Variants in SMG6 observed in about 807,000 individuals in gnomAD.
SMG6 encodes the protein telomerase-binding protein EST1A.
A neutral mutation model predicts 142.2 loss-of-function variants in SMG6; 66 were observed. The ratio of observed to expected loss-of-function variants is 0.46; its 90% CI spans 0.38 to 0.57. The LOEUF (loss-of-function observed/expected upper bound fraction) is 0.57, where lower values mean the gene tolerates loss of function less well. Among genes scored for constraint, SMG6 ranks in the 20% least tolerant of loss-of-function variants. SMG6 has a pLI of 0.00. For synonymous variants in SMG6, 779 were observed against 702.4 expected (o/e 1.11, Z -1.72); for missense variants, 1,793 against 1,832.0 (o/e 0.98, Z 0.39).
intron 6 of SMG6, among the ~76,000 whole-genome samples, chr17:2,287,294 C>A (rs1207244502): frequency 6.6e-6 from 1 of 152,082 alleles, no homozygotes; most frequent in Non-Finnish European, 1.5e-5. Context: ...GACCAATGTG[C>A]ATATGAAAAA....
intron 17 of SMG6, 65 bp from the exon 18 acceptor site, chr17:2,065,219 G>A: frequency 7.7e-7 from 1 of 1,296,262 alleles, no homozygotes; most frequent in South Asian, 1.2e-5. Context: ...AGGAGGAGGA[G>A]GGATCCTCTG....
Position 2,085,580 on chromosome 17 carries a change from A to C in SMG6, c.3534+145T>G. On this transcript the variant is annotated intron_variant, in intron 14 of 18. Coordinates refer to ENST00000263073, the MANE Select transcript of SMG6 (RefSeq NM_017575.5). The surrounding 1 kb of genome is among the most constrained non-coding windows in gnomAD (Gnocchi z 4.1). ...GACTGGCAGGAAGGGGCACCATCAG[A>C]GCACACTCTCGAGAAGCTGGCTGGT... 3.7e-6 allele frequency: 3 copies of C among 807,728 alleles called. No homozygotes were observed. Among genetic ancestry groups the C allele is most frequent in the Non-Finnish European group, 5.9e-6 (3 of 505,706 alleles). The allele number at this position is 807,728 out of a possible 1,614,324, so 50.0% of individuals were successfully genotyped here.
At chr17:2,106,946 C>G (rs2069172741) in intron 13 of SMG6, among the ~76,000 whole-genome samples, 1 of 151,992 alleles carries the variant, frequency 6.6e-6, no homozygotes. Flanking sequence ...GCCTCAGTCT[C>G]CCAAGTAGCT....
chr17:2,080,353 G>A (rs763453218), intron 15 of SMG6, among the ~76,000 whole-genome samples: 2 of 152,144 alleles, frequency 1.3e-5, no homozygotes, highest in East Asian at 1.9e-4. Context: ...GGGAGGTGGA[G>A]GTTGGAGTGA....
intron 9 of SMG6, among the ~76,000 whole-genome samples, chr17:2,242,689 T>TAAAAAAAAAAAAAAAAAAAAA (rs57079220): frequency 1.8e-5 from 1 of 55,850 alleles, no homozygotes; most frequent in African/African-American, 7.6e-5. Context: ...TCCATCTCTT[T>TAAAAAAAAAAAAAAAAAAAAA]AAAAAAAAAA....
chr17:2,096,712 G>GT (rs1275735267), intron 13 of SMG6, among the ~76,000 whole-genome samples: 1 of 152,092 alleles, frequency 6.6e-6, no homozygotes, highest in Non-Finnish European at 1.5e-5. Flanking sequence ...CAAATCTTTC[G>GT]TAACGCCCTA....
At chr17:2,128,731 G>C (rs1477835680) in intron 13 of SMG6, among the ~76,000 whole-genome samples, 2 of 150,470 alleles carry the variant, frequency 1.3e-5, no homozygotes, top group Non-Finnish European at 2.9e-5. Context: ...GACTGAGACA[G>C]GAGAATCACT....
intron 8 of SMG6, among the ~76,000 whole-genome samples, chr17:2,263,617 T>C (rs1460968677): frequency 9.2e-5 from 14 of 152,130 alleles, no homozygotes; most frequent in Admixed American, 9.2e-4. Flanking sequence ...AGGGTACAGA[T>C]AGTATTTTAA....
At chr17:2,065,257 C>A (rs902705528) in intron 17 of SMG6, 103 bp from the exon 18 acceptor site, 49 of 1,079,988 alleles carry the variant, frequency 4.5e-5, no homozygotes, top group Non-Finnish European at 2.7e-5. Flanking sequence ...AGGGCCACCT[C>A]CCCGATCCCT....
rs772537531 is a variant in SMG6, at chr17:2,297,275, G to A, written c.2119C>T (p.Leu707Phe). ...KFKLEDYMDGLAIRSKPLRKT... is the reference protein window; with the variant it reads ...KFKLEDYMDGFAIRSKPLRKT... ...CGTAATGGCTTGCTGCGAATGGCAAGACCATCCATGTAGTCTTCCAGTTTG... is the reference window on the plus strand; with the variant it reads ...CGTAATGGCTTGCTGCGAATGGCAAAACCATCCATGTAGTCTTCCAGTTTG... Residue 707 changes from leucine to phenylalanine, a missense_variant, in exon 4 of 19, where the codon CTT becomes TTT. This residue lies in a region of SMG6 where 1,597 missense variants were observed against 1,584.6 expected (regional missense o/e 1.01). Coordinates refer to ENST00000263073, the MANE Select transcript of SMG6 (RefSeq NM_017575.5). 8.1e-6 allele frequency: 13 copies of A among 1,610,982 alleles called. No individual in the cohort carries two copies. Among genetic ancestry groups the A allele is most frequent in the Non-Finnish European group, 1.1e-5 (13 of 1,178,936 alleles).
At position 2,065,449 on chromosome 17, in the gene SMG6, T is replaced by C. The variant is rs1597319862; in HGVS notation, c.4047+19A>G. 6.2e-7 allele frequency: 1 copy of C among 1,607,152 alleles called. No individual in the cohort carries two copies. The highest frequency in any genetic ancestry group is 8.5e-7 in the Non-Finnish European group (1 of 1,177,642). On this transcript the variant is annotated intron_variant, in intron 17 of 18. Transcript: ENST00000263073. ...TGGAAGCTGGCTGTGGGCTTTCCCT[T>C]CCTGCCACAGGGTCTCACCAGCTGG...
intron 10 of SMG6, among the ~76,000 whole-genome samples, chr17:2,228,518 C>G (rs1001579796): frequency 6.6e-6 from 1 of 151,850 alleles, no homozygotes; most frequent in African/African-American, 2.4e-5. Context: ...TGAGCCATCG[C>G]GCCCGGCCTA....
In SMG6 at chr17:2,085,904, A is replaced by G. The variant is rs767008516; in HGVS notation, c.3358-3T>C. The G allele has an allele frequency of 6.2e-7, 1 of 1,613,698 alleles. No individual in the cohort carries two copies. The highest frequency in any genetic ancestry group is 1.7e-5 in the Admixed American group (1 of 59,962). The stretch of plus-strand genomic sequence containing the variant: ...CTTTTGCAGTCAGCTGCAATAACCT[A>G]CAGGGTGAGAGGGAGAGAAGAAAAA... On this transcript the variant is annotated splice_region_variant and splice_polypyrimidine_tract_variant and intron_variant, in intron 13 of 18. Transcript: ENST00000263073. The surrounding 1 kb of genome is among the most constrained non-coding windows in gnomAD (Gnocchi z 4.1).
intron 13 of SMG6, among the ~76,000 whole-genome samples, chr17:2,131,566 G>A (rs1479280517): frequency 6.6e-6 from 1 of 152,048 alleles, no homozygotes; most frequent in Non-Finnish European, 1.5e-5. Context: ...CCAAAATGCT[G>A]GGGGATTCCA....
chr17:2,153,770 G>C (rs1291396303), intron 13 of SMG6, among the ~76,000 whole-genome samples: 1 of 112,726 alleles, frequency 8.9e-6, no homozygotes, highest in Non-Finnish European at 1.9e-5. Context: ...GACGGTGACT[G>C]GGAAACCTGG....
chr17:2,087,549 C>T, intron 13 of SMG6: 1 of 1,020,590 alleles, frequency 9.8e-7, no homozygotes, highest in Non-Finnish European at 1.2e-6. Context: ...GTAGAAGGTT[C>T]TCGGCTACCC....
intron 12 of SMG6, among the ~76,000 whole-genome samples, chr17:2,176,934 T>C (rs914865457): frequency 6.6e-6 from 1 of 152,148 alleles, no homozygotes; most frequent in Non-Finnish European, 1.5e-5. Context: ...AATTCCAAGG[T>C]TTAATGTATC....
chr17:2,109,483 T>C (rs915152922), intron 13 of SMG6, among the ~76,000 whole-genome samples: 1 of 152,158 alleles, frequency 6.6e-6, no homozygotes, highest in Non-Finnish European at 1.5e-5. Flanking sequence ...AGCCTGGTCT[T>C]GAATTGCTGG....
At chr17:2,143,212 ATAC>A (rs1736629613) in intron 13 of SMG6, among the ~76,000 whole-genome samples, 1 of 152,226 alleles carries the variant, frequency 6.6e-6, no homozygotes, top group Admixed American at 6.5e-5. Context: ...TGACCAAACA[ATAC>A]TACTTCTAGG....
Sources: gnomAD v4.1 joint callset for allele counts (sites outside exome capture counted in the v4.1 genomes callset) on GRCh38, gnomAD v4.1.1 for gene constraint, gnomAD v4.1.1 regional missense constraint, Gnocchi (gnomAD v3.1) non-coding constraint, MANE v1.5 for transcripts, NCBI Gene and HGNC (gene_info 2026-07-23, HGNC 2026-07-21) for gene names.